The following MS4A18 variants were observed in gnomAD, a reference collection of about 807,000 sequenced individuals.
MS4A18 encodes the protein membrane spanning 4-domains A18.
MS4A18 carries 27 observed loss-of-function variants against 13.1 expected under a neutral mutation model. That is an observed-to-expected ratio of 2.06 (90% CI 1.52 to 2.84). The LOEUF (loss-of-function observed/expected upper bound fraction) is 2.84, where lower values mean the gene tolerates loss of function less well. MS4A18 is among the 30% of genes most tolerant of loss of function. The probability of loss-of-function intolerance (pLI) is 0.00; values close to 1 mark genes in which losing one functional copy is unlikely to be tolerated. For missense variants in MS4A18, 307 were observed against 196.4 expected (o/e 1.56, Z -3.37); for synonymous variants, 126 against 76.5 (o/e 1.65, Z -3.38).
At chr11:60,737,758 C>G (rs972427104) in intron 3 of MS4A18, among the ~76,000 whole-genome samples, 1 of 152,202 alleles carries the variant, frequency 6.6e-6, no homozygotes, top group Non-Finnish European at 1.5e-5. Flanking sequence ...CTCTGTATGG[C>G]TTGTCGTCTT....
chr11:60,743,586 A>T (rs11821421), intron 5 of MS4A18, 64 bp from the exon 7 acceptor site: 100,890 of 666,072 alleles, frequency 0.15, 9,855 homozygotes, highest in African/African-American at 0.33. Context: ...GAAGAAAAAA[A>T]TTATGGCCAT....
chr11:60,740,410 G>A (rs2134681424), intron 4 of MS4A18, among the ~76,000 whole-genome samples: 1 of 152,280 alleles, frequency 6.6e-6, no homozygotes, highest in South Asian at 2.1e-4. Context: ...ATCCCTTGAA[G>A]CTCTGAGGTC....
chr11:60,726,932 C>A (rs1323714940), upstream of MS4A18, among the ~76,000 whole-genome samples: 1 of 151,866 alleles, frequency 6.6e-6, no homozygotes, highest in Non-Finnish European at 1.5e-5. Context: ...CCCCTTGCCC[C>A]CCAACCCTCC....
At chr11:60,733,224 C>T (rs977380437) in intron 1 of MS4A18, among the ~76,000 whole-genome samples, 3 of 152,232 alleles carry the variant, frequency 2.0e-5, no homozygotes, top group Non-Finnish European at 2.9e-5. Context: ...GGGCTCGGCC[C>T]GTGTCTCTGC....
chr11:60,744,262 C>T (rs564409421), downstream of MS4A18: 12 of 415,358 alleles, frequency 2.9e-5, no homozygotes, highest in Admixed American at 4.0e-5. Context: ...ATTTTGGTTC[C>T]GTGGTTCCTG....
chr11:60,727,482 A>C (rs942136752), upstream of MS4A18, among the ~76,000 whole-genome samples: 1 of 152,194 alleles, frequency 6.6e-6, no homozygotes, highest in African/African-American at 2.4e-5. Context: ...ATAGACGATT[A>C]ATATTAAATA....
intron 2 of MS4A18, among the ~76,000 whole-genome samples, chr11:60,734,328 C>G (rs553604316): frequency 2.2e-4 from 34 of 152,232 alleles, no homozygotes; most frequent in Middle Eastern, 6.8e-3. Flanking sequence ...CAGCATCTAC[C>G]TACCATACCA....
upstream of MS4A18, among the ~76,000 whole-genome samples, chr11:60,726,867 G>C (rs985806915): frequency 1.1e-4 from 16 of 151,562 alleles, no homozygotes; most frequent in African/African-American, 3.2e-4. Flanking sequence ...CTATCAACCC[G>C]TCATCTAGGT....
chr11:60,730,494 C>T (rs1239075371), intron 1 of MS4A18, among the ~76,000 whole-genome samples: 2 of 152,340 alleles, frequency 1.3e-5, no homozygotes, highest in South Asian at 2.1e-4. Context: ...AAACATCATC[C>T]ATGAAGATGA....
chr11:60,743,384 C>T (rs1021743825), intron 5 of MS4A18, among the ~76,000 whole-genome samples: 2 of 152,216 alleles, frequency 1.3e-5, no homozygotes, highest in Non-Finnish European at 2.9e-5. Flanking sequence ...AACTGGGCCA[C>T]TTGTCTTGCA....
exon 1 of MS4A18, chr11:60,729,715 A>G (rs2134673660): frequency 2.8e-6 from 2 of 702,788 alleles, no homozygotes; most frequent in Non-Finnish European, 5.2e-6. Context: ...ATCCCAGTGG[A>G]ACACGTCATT....
chr11:60,737,613 A>G (rs1159521498), intron 3 of MS4A18, among the ~76,000 whole-genome samples: 5 of 152,236 alleles, frequency 3.3e-5, no homozygotes, highest in African/African-American at 1.2e-4. Flanking sequence ...TCTCTGTCTC[A>G]GCATCCAGCA....
intron 5 of MS4A18, among the ~76,000 whole-genome samples, chr11:60,742,121 C>T (rs1307513101): frequency 1.3e-5 from 2 of 152,204 alleles, no homozygotes; most frequent in African/African-American, 4.8e-5. Flanking sequence ...CAATTTGACT[C>T]TCTGGAAGAC....
chr11:60,740,934 G>T, intron 4 of MS4A18, 96 bp from the exon 6 acceptor site: 1 of 691,748 alleles, frequency 1.4e-6, no homozygotes. Context: ...AGGGTCTCAG[G>T]CCTTCCAGGT....
At chr11:60,734,491 A>G (rs963168159) in intron 2 of MS4A18, among the ~76,000 whole-genome samples, 1 of 152,218 alleles carries the variant, frequency 6.6e-6, no homozygotes. Flanking sequence ...CTGCCACCTC[A>G]TAAGGCAGAT....
At chr11:60,727,548 T>C (rs1395038292), upstream of MS4A18, among the ~76,000 whole-genome samples, 1 of 152,160 alleles carries the variant, frequency 6.6e-6, no homozygotes, top group Non-Finnish European at 1.5e-5. Context: ...ATTTGGAGTG[T>C]TTCTCTCACT....
intron 2 of MS4A18, among the ~76,000 whole-genome samples, chr11:60,736,661 C>G (rs2134678611): frequency 6.6e-6 from 1 of 152,288 alleles, no homozygotes; most frequent in Middle Eastern, 3.4e-3. Context: ...TATGTCCAGA[C>G]AGTGGACTCA....
upstream of MS4A18, among the ~76,000 whole-genome samples, chr11:60,725,194 T>TTTC (rs543018155): frequency 6.6e-6 from 1 of 152,108 alleles, no homozygotes; most frequent in East Asian, 1.9e-4. Flanking sequence ...CACTCTTTTT[T>TTTC]TTCTTCTTCT....
chr11:60,731,401 C>A (rs1332300725), intron 1 of MS4A18, among the ~76,000 whole-genome samples: 1 of 152,182 alleles, frequency 6.6e-6, no homozygotes, highest in Admixed American at 6.5e-5. Context: ...TGCAGACTAT[C>A]TTTAATCAAT....
Sources: gnomAD v4.1 joint callset for allele counts (sites outside exome capture counted in the v4.1 genomes callset) on GRCh38, gnomAD v4.1.1 for gene constraint, MANE v1.5 for transcripts, NCBI Gene and HGNC (gene_info 2026-07-23, HGNC 2026-07-21) for gene names.